SCRG1: variants seen among roughly 807,000 people sequenced by gnomAD.
SCRG1 encodes the protein stimulator of chondrogenesis 1.
A neutral mutation model predicts 7.7 loss-of-function variants in SCRG1; 3 were observed. The observed-to-expected ratio is 0.39, with a 90% CI of 0.18 to 1.01. The LOEUF is 1.01. SCRG1 is among the 50% of genes least tolerant of loss of function. The pLI is 0.36. For synonymous variants in SCRG1, 46 were observed against 41.2 expected, an observed-to-expected ratio of 1.12 and a Z score of -0.44; for missense variants, 110 against 117.2, an observed-to-expected ratio of 0.94 and a Z score of 0.28.
upstream of SCRG1, among the ~76,000 whole-genome samples, chr4:173,410,474 C>A (rs369309051): frequency 1.4e-4 from 21 of 152,146 alleles, no homozygotes; most frequent in African/African-American, 5.1e-4. Flanking sequence ...TGTTTAAAAC[C>A]AGAACCTGTT....
chr4:173,499,792 G>A, the SCRG1 span, among the ~76,000 whole-genome samples: 1 of 151,812 alleles, frequency 6.6e-6, no homozygotes, highest in Admixed American at 6.6e-5. This position sits in a 1 kb window ranked among gnomAD's most constrained non-coding sequence, Gnocchi z 4.1. Context: ...CTCCCATTTG[G>A]GGAGAAAAAA....
chr4:173,446,297 G>C, the SCRG1 span, among the ~76,000 whole-genome samples: 15 of 152,092 alleles, frequency 9.9e-5, no homozygotes, highest in Middle Eastern at 3.4e-3. Context: ...CATTTTGATG[G>C]TGCAAAAGCA....
At chr4:173,404,087 C>T (rs548971165), upstream of SCRG1, 22 of 152,282 alleles carry the variant, frequency 1.4e-4, no homozygotes, top group South Asian at 4.4e-3. Context: ...AGGTAGTTTC[C>T]AGATGGGGGA....
At chr4:173,440,575 C>T in the SCRG1 span, among the ~76,000 whole-genome samples, 4 of 152,230 alleles carry the variant, frequency 2.6e-5, no homozygotes, top group Admixed American at 6.5e-5. Flanking sequence ...GACATATACA[C>T]GAAAAGACAT....
the SCRG1 span, among the ~76,000 whole-genome samples, chr4:173,422,580 C>T: frequency 6.6e-6 from 1 of 152,094 alleles, no homozygotes; most frequent in Non-Finnish European, 1.5e-5. Flanking sequence ...GCGGACACAT[C>T]TTTAGATGTG....
At chr4:173,491,121 T>C in the SCRG1 span, among the ~76,000 whole-genome samples, 2 of 151,954 alleles carry the variant, frequency 1.3e-5, no homozygotes, top group Non-Finnish European at 2.9e-5. Flanking sequence ...CACCAAACTC[T>C]GGCTGGGATG....
At chr4:173,450,218 A>G in the SCRG1 span, among the ~76,000 whole-genome samples, 4 of 152,144 alleles carry the variant, frequency 2.6e-5, no homozygotes, top group Admixed American at 2.0e-4. Flanking sequence ...TCTCATGAGA[A>G]CTTGCTCACT....
chr4:173,419,181 CT>C, the SCRG1 span: 31 of 345,222 alleles, frequency 9.0e-5, no homozygotes, highest in South Asian at 2.1e-4. Context: ...CCTCTTCCAT[CT>C]TTTTTTTCTG....
At chr4:173,512,855 C>T in the SCRG1 span, among the ~76,000 whole-genome samples, 30 of 152,336 alleles carry the variant, frequency 2.0e-4, no homozygotes, top group Non-Finnish European at 3.5e-4. Context: ...GTGTCATCCG[C>T]TCTTGTAGGG....
chr4:173,466,322 A>G, the SCRG1 span, among the ~76,000 whole-genome samples: 2 of 152,170 alleles, frequency 1.3e-5, no homozygotes, highest in African/African-American at 4.8e-5. Context: ...AATATGTTAC[A>G]TTCCATTCTA....
At chr4:173,462,844 T>C in the SCRG1 span, among the ~76,000 whole-genome samples, 1 of 152,328 alleles carries the variant, frequency 6.6e-6, no homozygotes, top group Middle Eastern at 3.4e-3. Flanking sequence ...TAGTTTTCTT[T>C]TTGCTTGTTT....
the SCRG1 span, among the ~76,000 whole-genome samples, chr4:173,485,446 C>A: frequency 4.6e-5 from 7 of 151,128 alleles, no homozygotes; most frequent in Non-Finnish European, 8.8e-5. Flanking sequence ...CTCATGTAAG[C>A]CATTAGATGA....
At chr4:173,490,549 T>A in the SCRG1 span, among the ~76,000 whole-genome samples, 1 of 152,152 alleles carries the variant, frequency 6.6e-6, no homozygotes, top group Non-Finnish European at 1.5e-5. Context: ...ATATTAATGT[T>A]CAGGCCACAA....
chr4:173,501,467 TG>T, the SCRG1 span, among the ~76,000 whole-genome samples: 3 of 152,184 alleles, frequency 2.0e-5, no homozygotes, highest in African/African-American at 7.2e-5. The surrounding 1 kb of genome is among the most constrained non-coding windows in gnomAD (Gnocchi z 5.1). Context: ...CCAGTGCGCC[TG>T]TGGTTGCGGG....
At chr4:173,391,543 G>T in intron 1 of SCRG1, 115 bp from the exon 2 acceptor site, 1 of 1,009,508 alleles carries the variant, frequency 9.9e-7, no homozygotes, top group Non-Finnish European at 1.5e-6. Flanking sequence ...ATGGGAGTTG[G>T]GCTTTTCTAC....
chr4:173,461,675 T>C, the SCRG1 span, among the ~76,000 whole-genome samples: 1 of 152,168 alleles, frequency 6.6e-6, no homozygotes, highest in Non-Finnish European at 1.5e-5. Flanking sequence ...TCTTCTAGCA[T>C]CAACACCATC....
At chr4:173,474,093 T>C in the SCRG1 span, among the ~76,000 whole-genome samples, 1 of 152,050 alleles carries the variant, frequency 6.6e-6, no homozygotes, top group East Asian at 1.9e-4. Context: ...GGCAAGGGAA[T>C]CCAGGAGGCA....
chr4:173,436,416 T>G, the SCRG1 span, among the ~76,000 whole-genome samples: 2 of 152,204 alleles, frequency 1.3e-5, no homozygotes, highest in Admixed American at 1.3e-4. Context: ...CAGAGCAGCC[T>G]CTGCTTCTCA....
the SCRG1 span, among the ~76,000 whole-genome samples, chr4:173,437,146 AC>A: frequency 6.6e-6 from 1 of 152,198 alleles, no homozygotes; most frequent in African/African-American, 2.4e-5. Flanking sequence ...CTCTCTGCTG[AC>A]TAACTTTAGA....
Sources: allele counts gnomAD v4.1 joint callset (sites outside exome capture counted in the v4.1 genomes callset), GRCh38; gene constraint gnomAD v4.1.1; non-coding constraint Gnocchi (gnomAD v3.1); transcripts MANE v1.5; gene names NCBI Gene and HGNC (gene_info 2026-07-23, HGNC 2026-07-21).